GLA: variants seen among roughly 807,000 people sequenced by gnomAD.
GLA encodes galactosidase alpha, also known as alpha-galactosidase A.
Under a neutral mutation model 28.2 loss-of-function variants are expected in GLA, and 4 were observed. The ratio of observed to expected loss-of-function variants is 0.14; its 90% CI spans 0.07 to 0.32. The LOEUF is 0.32. Ranked by LOEUF, GLA falls within the 10% of genes least tolerant of loss-of-function variation. The pLI is 1.00. For missense variants in GLA, 203 were observed against 323.7 expected, an observed-to-expected ratio of 0.63 and a Z score of 2.86; for synonymous variants, 94 against 113.0, an observed-to-expected ratio of 0.83 and a Z score of 1.07.
intron 6 of GLA, 39 bp from the exon 7 acceptor site, chrX:101,398,138 G>A: frequency 8.8e-7 from 1 of 1,132,343 alleles, no homozygotes; most frequent in Non-Finnish European, 1.2e-6. Context: ...AGCAACTAGT[G>A]ATAAGTGGCC....
chrX:101,405,236 C>CAAAAAAAAAAA (rs11448515), intron 1 of GLA, among the ~76,000 whole-genome samples: 9 of 35,558 alleles, frequency 2.5e-4, no homozygotes, highest in African/African-American at 3.4e-4. Context: ...AACTCCAGCT[C>CAAAAAAAAAAA]AAAAAAAAAA....
intron 2 of GLA, among the ~76,000 whole-genome samples, chrX:101,403,254 G>A (rs1238739323): frequency 3.2e-5 from 3 of 93,569 alleles, no homozygotes; most frequent in African/African-American, 8.2e-5. Context: ...AGCCGAGATC[G>A]CACCACTGCC....
At chrX:101,407,387 CAGTGAAAAAAG>C (rs2147486135) in intron 1 of GLA, among the ~76,000 whole-genome samples, 1 of 108,253 alleles carries the variant, frequency 9.2e-6, no homozygotes, top group East Asian at 2.9e-4. Flanking sequence ...CTGCAAGGAG[CAGTGAAAAAAG>C]AGAACCGGGC....
intron 3 of GLA, 134 bp from the exon 4 acceptor site, chrX:101,400,891 A>C (rs1928292967): frequency 2.8e-6 from 1 of 355,309 alleles, no homozygotes; most frequent in African/African-American, 2.7e-5. Flanking sequence ...GGTGGAGTGC[A>C]GTGGTGCGAT....
chrX:101,403,043 T>C (rs1555986080), intron 2 of GLA, among the ~76,000 whole-genome samples: 2 of 110,786 alleles, frequency 1.8e-5, no homozygotes, highest in African/African-American at 6.6e-5. Flanking sequence ...CTCATGCCTG[T>C]AATCCCAGCA....
At chrX:101,404,566 CTTTT>C (rs1171364737) in intron 1 of GLA, among the ~76,000 whole-genome samples, 2 of 79,214 alleles carry the variant, frequency 2.5e-5, no homozygotes, top group Admixed American at 1.5e-4. Context: ...TCCTTTTTAT[CTTTT>C]TTTTTTTTTT....
intron 1 of GLA, 83 bp downstream of exon 1, chrX:101,407,627 G>C (rs1928572679): frequency 1.1e-6 from 1 of 924,253 alleles, no homozygotes; most frequent in Non-Finnish European, 1.6e-6. Flanking sequence ...GGGCTCAACT[G>C]TTCCCGTTGA....
chrX:101,405,656 C>T (rs1341613231), intron 1 of GLA, among the ~76,000 whole-genome samples: 3 of 111,113 alleles, frequency 2.7e-5, no homozygotes, highest in Admixed American at 9.6e-5. Flanking sequence ...TGCGGTGGCT[C>T]ACACCTGTAA....
intron 2 of GLA, among the ~76,000 whole-genome samples, chrX:101,402,946 TAG>T (rs781981546): frequency 2.3e-4 from 26 of 111,296 alleles, no homozygotes; most frequent in Non-Finnish European, 4.0e-4. Context: ...TTTTTCCTCC[TAG>T]AGAGTTCAGT....
chrX:101,404,013 C>T (rs782738098), intron 1 of GLA, 28 bp from the exon 2 acceptor site: 5 of 1,168,328 alleles, frequency 4.3e-6, no homozygotes, highest in Non-Finnish European at 5.8e-6. Flanking sequence ...ATAATCATTA[C>T]AATTCATTAA....
intron 2 of GLA, among the ~76,000 whole-genome samples, chrX:101,403,167 C>T (rs1024012472): frequency 2.8e-5 from 3 of 107,039 alleles, no homozygotes; most frequent in Non-Finnish European, 3.9e-5. Context: ...GGCATGGTGG[C>T]GGGTGCCTGT....
chrX:101,402,575 G>A (rs1331835703), intron 2 of GLA, among the ~76,000 whole-genome samples: 1 of 109,880 alleles, frequency 9.1e-6, no homozygotes, highest in Admixed American at 9.7e-5. Context: ...CCAGCCTGGC[G>A]AATATGGTGA....
intron 2 of GLA, among the ~76,000 whole-genome samples, chrX:101,402,291 C>T (rs1433056682): frequency 4.5e-5 from 5 of 111,843 alleles, no homozygotes; most frequent in African/African-American, 6.5e-5. Context: ...CCCTCATCCC[C>T]CACCCTTCTT....
intron 2 of GLA, among the ~76,000 whole-genome samples, chrX:101,402,292 C>G (rs2147478392): frequency 8.9e-6 from 1 of 111,939 alleles, no homozygotes; most frequent in East Asian, 2.8e-4. Context: ...CCTCATCCCC[C>G]ACCCTTCTTG....
intron 1 of GLA, among the ~76,000 whole-genome samples, chrX:101,405,252 AAG>A (rs1555986557): frequency 1.8e-5 from 2 of 109,473 alleles, no homozygotes; most frequent in African/African-American, 6.6e-5. Context: ...AAAAAAAAAA[AAG>A]AAAAAAAAGA....
intron 1 of GLA, among the ~76,000 whole-genome samples, chrX:101,406,040 T>TAAA (rs34454314): frequency 3.5e-4 from 15 of 42,518 alleles, no homozygotes; most frequent in African/African-American, 1.1e-3. Flanking sequence ...CCGTCTGTAC[T>TAAA]AAAAAAAAAA....
chrX:101,402,623 C>T (rs1555986011), intron 2 of GLA, among the ~76,000 whole-genome samples: 4 of 111,065 alleles, frequency 3.6e-5, no homozygotes, highest in Admixed American at 9.6e-5. Context: ...ATTAGCCGGG[C>T]GTGGTGGTGT....
Position 101,403,207 on chromosome X carries a change from G to C in GLA, c.369+604C>G, listed in dbSNP as rs183850282. Among the ~76,000 whole-genome samples the C allele has an allele frequency of 2.3e-3, 234 of 103,830 alleles. 4 individuals carry two copies. The East Asian group carries it at 0.06, about 27-fold the overall frequency. 90.2% of individuals were successfully genotyped at this position (103,830 alleles called of 115,157 possible). A position where few individuals can be genotyped will look rare whatever the true frequency, so the allele number is the denominator to read the frequency against. On this transcript the variant is annotated intron_variant, in intron 2 of 6. Coordinates refer to ENST00000218516, the MANE Select transcript of GLA (RefSeq NM_000169.3). ...CCAGCTACTTGGGAGGCTGAGGCAG[G>C]AGAATGGCATGAACCCAGGAGGTGG...
chrX:101,401,177 GT>G (rs1928301641), intron 3 of GLA: 1 of 201,708 alleles, frequency 5.0e-6, no homozygotes, highest in South Asian at 7.3e-5. Context: ...GAAGGTTCAT[GT>G]TTAAACTAGC....
Sources: allele counts gnomAD v4.1 joint callset (sites outside exome capture counted in the v4.1 genomes callset), GRCh38; gene constraint gnomAD v4.1.1; transcripts MANE v1.5; gene names NCBI Gene and HGNC (gene_info 2026-07-23, HGNC 2026-07-21).